CDCA5: variants seen among roughly 807,000 people sequenced by gnomAD.
CDCA5 encodes the protein cell division cycle associated 5.
Under a neutral mutation model 25.7 loss-of-function variants are expected in CDCA5, and 14 were observed. That is an observed-to-expected ratio of 0.54 (90% CI 0.36 to 0.85). The LOEUF (loss-of-function observed/expected upper bound fraction) is 0.85, where lower values mean the gene tolerates loss of function less well. Ranked by LOEUF, CDCA5 falls within the 40% of genes least tolerant of loss-of-function variation. The pLI, the probability that CDCA5 is intolerant of heterozygous loss-of-function variation, is 0.01. For synonymous variants in CDCA5, 127 were observed against 128.7 expected (o/e 0.99, Z 0.09); for missense variants, 307 against 324.5 (o/e 0.95, Z 0.41).
At chr11:65,082,017 G>A (rs1471507552) in intron 4 of CDCA5, among the ~76,000 whole-genome samples, 1 of 152,160 alleles carries the variant, frequency 6.6e-6, no homozygotes, top group Non-Finnish European at 1.5e-5. Flanking sequence ...GGGTAAGGGT[G>A]GTCAGGGAAG....
At chr11:65,077,442 AAC>A (rs1218357095), downstream of CDCA5, 8 of 985,218 alleles carry the variant, frequency 8.1e-6, no homozygotes, top group Non-Finnish European at 9.6e-6. Flanking sequence ...CAATAAAAGA[AAC>A]ACAGTCCATG....
At chr11:65,081,756 A>G (rs1947571667) in intron 4 of CDCA5, among the ~76,000 whole-genome samples, 1 of 152,166 alleles carries the variant, frequency 6.6e-6, no homozygotes, top group Admixed American at 6.5e-5. Flanking sequence ...ACTTGAGCCC[A>G]GGAGTTCAAG....
downstream of CDCA5, among the ~76,000 whole-genome samples, chr11:65,065,297 T>A (rs893090530): frequency 1.6e-4 from 24 of 151,682 alleles, no homozygotes; most frequent in African/African-American, 1.9e-4. Flanking sequence ...AAAAAAAAAA[T>A]TTTTTTTTGA....
chr11:65,080,545 C>T (rs1349672424), intron 4 of CDCA5, among the ~76,000 whole-genome samples: 3 of 152,134 alleles, frequency 2.0e-5, no homozygotes, highest in Admixed American at 6.5e-5. Context: ...TCTGAGTAGC[C>T]GGGACTACAG....
intron 5 of CDCA5, 44 bp from the exon 6 acceptor site, chr11:65,079,231 T>C (rs994679427): frequency 6.4e-7 from 1 of 1,569,446 alleles, no homozygotes; most frequent in Non-Finnish European, 8.6e-7. Flanking sequence ...GAAGGGAACA[T>C]GGTGGCTGGA....
downstream of CDCA5, among the ~76,000 whole-genome samples, chr11:65,061,788 A>C (rs548718330): frequency 2.1e-4 from 32 of 150,746 alleles, no homozygotes; most frequent in South Asian, 6.2e-4. Flanking sequence ...AAAAAAAAAA[A>C]AAAAAAACAA....
chr11:65,067,681 G>A (rs1947265210), exon 4 of CDCA5: 3 of 1,289,780 alleles, frequency 2.3e-6, no homozygotes, highest in African/African-American at 1.5e-5. Flanking sequence ...GCAACTGCCT[G>A]ATCTCCTTTG....
At chr11:65,061,826 A>G (rs992219324), downstream of CDCA5, among the ~76,000 whole-genome samples, 1 of 151,520 alleles carries the variant, frequency 6.6e-6, no homozygotes, top group East Asian at 1.9e-4. Context: ...TGGAGAACCA[A>G]TACAAATGAC....
rs35616304 is a variant in CDCA5 at position 65,079,716 on chromosome 11, T to C, written c.315A>G (p.Thr105=). Residue 105 remains threonine, a synonymous_variant, in exon 5 of 6, where the codon ACA becomes ACG. Coordinates refer to ENST00000275517, the MANE Select transcript of CDCA5 (RefSeq NM_080668.4). ...RELTKEDLFK[T]HSVPATPTST... The stretch of plus-strand genomic sequence containing the variant: ...TGGTGGGGGTGGCAGGGACGCTGTG[T>C]GTCTTGAAAAGGTCCTCCTTAGTAA... The C allele has an allele frequency of 1.8e-3, 2,716 of 1,542,330 alleles. 39 individuals carry two copies. In the African/African-American group the frequency reaches 0.032, roughly 18 times the overall value.
intron 4 of CDCA5, 79 bp from the exon 5 acceptor site, chr11:65,079,866 G>T: frequency 1.7e-6 from 2 of 1,185,216 alleles, no homozygotes; most frequent in Non-Finnish European, 2.3e-6. Flanking sequence ...GAAGATTCAG[G>T]GTGGAAAGAC....
In CDCA5 at chr11:65,083,669, C is replaced by G; in HGVS notation, c.101G>C (p.Gly34Ala). ...AGGGAGGATGCTCGGGAGTTCAGAG[C>G]CTGATTTCCGCTGGGACCTCCGCAG... ...KPLRRSQRKS[G>A]SELPSILPEI... The change falls in exon 2 of 6, where the codon GGC becomes GCC. Residue 34 changes from glycine to alanine, a missense_variant. Transcript: ENST00000275517. 2 of 1,614,160 alleles carry G rather than the reference C, an allele frequency of 1.2e-6. No homozygotes were observed. Among genetic ancestry groups the G allele is most frequent in the Non-Finnish European group, 1.7e-6 (2 of 1,180,026 alleles).
chr11:65,067,184 G>T (rs1947255187), intron 4 of CDCA5, among the ~76,000 whole-genome samples: 1 of 152,244 alleles, frequency 6.6e-6, no homozygotes, highest in Admixed American at 6.5e-5. Context: ...CTTGGAAGGG[G>T]TGGGTGGTAT....
At chr11:65,073,692 C>G (rs920173630), downstream of CDCA5, among the ~76,000 whole-genome samples, 4 of 152,174 alleles carry the variant, frequency 2.6e-5, no homozygotes, top group Non-Finnish European at 4.4e-5. Context: ...GGGGTGCAAA[C>G]AGGAAACAAT....
rs1947499953 is a variant in CDCA5 at position 65,079,009 on chromosome 11, A to G, written c.*98T>C. On this transcript the variant is annotated 3_prime_UTR_variant, in exon 6 of 6. Transcript: ENST00000275517. ...CAGCACCAGCACACACACAGGTAAC[A>G]AGACCAGGGGAGGGGACCCTAAGTG... is the stretch of plus-strand genomic sequence containing the variant. 1 of 1,369,564 alleles carries G rather than the reference A, an allele frequency of 7.3e-7. No individual in the cohort carries two copies. Among genetic ancestry groups the G allele is most frequent in the African/African-American group, 1.5e-5 (1 of 68,832 alleles). The allele number at this position is 1,369,564 out of a possible 1,614,324, so 84.8% of individuals were successfully genotyped here.
At position 65,078,807 on chromosome 11, in the gene CDCA5, C is replaced by G; in HGVS notation, c.*300G>C. On this transcript the variant is annotated 3_prime_UTR_variant, in exon 6 of 6. Transcript: ENST00000275517. ...TTAACTTCTGGCTGGGCCACTGATT[C>G]TCCTCCCCAGTCTGTGGCCCATCTG... 2 of 1,134,432 alleles carry G rather than the reference C, an allele frequency of 1.8e-6. No individual in the cohort carries two copies. Among genetic ancestry groups the G allele is most frequent in the Non-Finnish European group, 2.2e-6 (2 of 926,062 alleles). The allele number at this position is 1,134,432 out of a possible 1,614,324, so 70.3% of individuals were successfully genotyped here.
Position 65,083,706 on chromosome 11 carries a change from G to T in CDCA5, c.64C>A (p.Pro22Thr). 6.2e-7 allele frequency: 1 copy of T among 1,613,912 alleles called. No individual in the cohort carries two copies. Among genetic ancestry groups the T allele is most frequent in the East Asian group, 2.2e-5 (1 of 44,880 alleles). The change falls in exon 2 of 6, where the codon CCT becomes ACT. Residue 22 changes from proline (P) to threonine (T), a missense_variant. Physicochemically the swap from Pro to Thr is conservative, Grantham distance 38. Transcript: ENST00000275517. ...TGGGACCTCCGCAGAGGCTTAGTAGGAGATGGGGCCCTTGGCCCTGGAAAG... is the reference window on the plus strand; with the variant it reads ...TGGGACCTCCGCAGAGGCTTAGTAGTAGATGGGGCCCTTGGCCCTGGAAAG... ...AQRSGPRAPS[P>T]TKPLRRSQRK...
chr11:65,062,119 C>T (rs1947192068), downstream of CDCA5, among the ~76,000 whole-genome samples: 1 of 151,992 alleles, frequency 6.6e-6, no homozygotes, highest in Non-Finnish European at 1.5e-5. Flanking sequence ...AGGGTTTCTC[C>T]ATGTTGGTCA....
intron 4 of CDCA5, among the ~76,000 whole-genome samples, chr11:65,082,360 C>T (rs1947586010): frequency 6.6e-6 from 1 of 152,112 alleles, no homozygotes; most frequent in Admixed American, 6.5e-5. Context: ...AGGTCTGCTG[C>T]AGACACTAAA....
downstream of CDCA5, among the ~76,000 whole-genome samples, chr11:65,065,622 G>A (rs1002902062): frequency 6.6e-6 from 1 of 152,196 alleles, no homozygotes; most frequent in Non-Finnish European, 1.5e-5. Context: ...ATGCCCTTTA[G>A]AATATTAACC....
Sources: gnomAD v4.1 joint callset for allele counts (sites outside exome capture counted in the v4.1 genomes callset) on GRCh38, gnomAD v4.1.1 for gene constraint, MANE v1.5 for transcripts, NCBI Gene and HGNC (gene_info 2026-07-23, HGNC 2026-07-21) for gene names.